ASIC2: variants seen among roughly 807,000 people sequenced by gnomAD.
The protein encoded by ASIC2 is acid sensing ion channel subunit 2.
In ASIC2, 25 loss-of-function variants were observed where a neutral mutation model predicts 57.3. The ratio of observed to expected loss-of-function variants is 0.44; its 90% CI spans 0.32 to 0.61. The LOEUF is 0.61. Among genes scored for constraint, ASIC2 ranks in the 20% least tolerant of loss-of-function variants. The pLI, the probability that ASIC2 is intolerant of heterozygous loss-of-function variation, is 0.06. For missense variants in ASIC2, 641 were observed against 738.1 expected (o/e 0.87, Z 1.52); for synonymous variants, 319 against 307.5 (o/e 1.04, Z -0.39).
chr17:33,024,104 T>A, intron 5 of ASIC2, 90 bp from the exon 6 acceptor site: 1 of 1,532,838 alleles, frequency 6.5e-7, no homozygotes. Flanking sequence ...AGCTGAGAAA[T>A]GAGCTGGGAA....
At chr17:33,726,374 G>A (rs1909561569) in intron 1 of ASIC2, among the ~76,000 whole-genome samples, 1 of 152,222 alleles carries the variant, frequency 6.6e-6, no homozygotes, top group African/African-American at 2.4e-5. Context: ...AACCATGAGA[G>A]ACGATAAAAT....
At chr17:33,128,605 T>G (rs529868919) in intron 1 of ASIC2, among the ~76,000 whole-genome samples, 2 of 151,950 alleles carry the variant, frequency 1.3e-5, no homozygotes, top group Non-Finnish European at 2.9e-5. Context: ...AGTTTTGGAG[T>G]GGGGGTGGCC....
At chr17:33,320,967 C>G (rs1165103105) in intron 1 of ASIC2, among the ~76,000 whole-genome samples, 3 of 152,206 alleles carry the variant, frequency 2.0e-5, no homozygotes, top group Non-Finnish European at 4.4e-5. Flanking sequence ...TTTATTTATT[C>G]ATTCTGCATG....
At chr17:33,906,789 T>A (rs1175028636) in intron 1 of ASIC2, among the ~76,000 whole-genome samples, 1 of 152,196 alleles carries the variant, frequency 6.6e-6, no homozygotes, top group African/African-American at 2.4e-5. Context: ...GGCTTTGGCA[T>A]CAAGACCTAC....
intron 1 of ASIC2, among the ~76,000 whole-genome samples, chr17:33,762,721 T>G (rs1299368065): frequency 6.6e-6 from 1 of 152,216 alleles, no homozygotes; most frequent in African/African-American, 2.4e-5. Flanking sequence ...TGAACTTTGT[T>G]AGCACTGGGC....
At chr17:33,718,509 C>G (rs1006866371) in intron 1 of ASIC2, among the ~76,000 whole-genome samples, 4 of 151,962 alleles carry the variant, frequency 2.6e-5, no homozygotes, top group African/African-American at 9.7e-5. Flanking sequence ...GTCCTGCCTC[C>G]CACACCCCAA....
At chr17:33,149,884 C>A (rs987369281) in intron 1 of ASIC2, among the ~76,000 whole-genome samples, 6 of 152,192 alleles carry the variant, frequency 3.9e-5, no homozygotes, top group Admixed American at 1.3e-4. Flanking sequence ...AAGTACCATT[C>A]TTGAAGGAAC....
chr17:33,270,513 C>T (rs544427261), intron 1 of ASIC2, among the ~76,000 whole-genome samples: 5 of 152,292 alleles, frequency 3.3e-5, no homozygotes, highest in African/African-American at 1.2e-4. Flanking sequence ...TAAATGGAGT[C>T]CCAAATGCAT....
chr17:33,640,286 T>A (rs1906518576), intron 1 of ASIC2, among the ~76,000 whole-genome samples: 1 of 152,018 alleles, frequency 6.6e-6, no homozygotes, highest in South Asian at 2.1e-4. Flanking sequence ...AAAGAGAGTA[T>A]TTAGAAGAGC....
rs1286792951 is a variant in ASIC2 at position 33,089,052 on chromosome 17, G to C, written c.860-62C>G. 5.0e-6 allele frequency: 8 copies of C among 1,599,624 alleles called. No homozygotes were observed. In the African/African-American group the frequency reaches 1.1e-4, roughly 21 times the overall value. ...AACAACAGATGCTCATGGAGTCCTG[G>C]GATTGAAAAGCTCAAAGGGATGCTG... On this transcript the variant is annotated intron_variant, in intron 2 of 9. Transcript: ENST00000225823.
chr17:33,959,322 A>T (rs1205821714), intron 1 of ASIC2, among the ~76,000 whole-genome samples: 1 of 152,164 alleles, frequency 6.6e-6, no homozygotes, highest in Non-Finnish European at 1.5e-5. Flanking sequence ...TACTCCTGGT[A>T]CCAATTTACA....
intron 1 of ASIC2, among the ~76,000 whole-genome samples, chr17:33,990,239 G>A (rs927007186): frequency 6.6e-6 from 1 of 152,126 alleles, no homozygotes; most frequent in Admixed American, 6.5e-5. Flanking sequence ...ATAAATTTCA[G>A]GACCTCTGTG....
chr17:33,932,451 C>T (rs1191928849), intron 1 of ASIC2: 1 of 151,806 alleles, frequency 6.6e-6, no homozygotes, highest in African/African-American at 2.4e-5. Context: ...TGCCTGTAAT[C>T]CCAGCACTTG....
chr17:33,217,117 G>T (rs554509899), intron 1 of ASIC2, among the ~76,000 whole-genome samples: 40 of 152,312 alleles, frequency 2.6e-4, no homozygotes, highest in African/African-American at 8.4e-4. Context: ...TAGTTTGAGT[G>T]AACAAAATAT....
At chr17:34,080,166 T>C (rs1909825015) in intron 1 of ASIC2, among the ~76,000 whole-genome samples, 1 of 152,184 alleles carries the variant, frequency 6.6e-6, no homozygotes, top group Non-Finnish European at 1.5e-5. Context: ...ATTAATAGCC[T>C]CTTGAAAGGA....
intron 1 of ASIC2, among the ~76,000 whole-genome samples, chr17:33,229,900 C>T (rs1454301701): frequency 6.6e-6 from 1 of 152,176 alleles, no homozygotes; most frequent in Admixed American, 6.5e-5. Context: ...AGCAGGCAAC[C>T]ACTGGTGGGA....
At chr17:33,654,446 A>G (rs1431690250) in intron 1 of ASIC2, among the ~76,000 whole-genome samples, 4 of 152,248 alleles carry the variant, frequency 2.6e-5, no homozygotes, top group African/African-American at 9.6e-5. Context: ...GCCTTAATCA[A>G]TAACCTACTC....
intron 1 of ASIC2, among the ~76,000 whole-genome samples, chr17:33,928,366 G>A (rs1915866198): frequency 6.6e-6 from 1 of 152,182 alleles, no homozygotes; most frequent in Non-Finnish European, 1.5e-5. Flanking sequence ...GGGGTGGGTG[G>A]TAAAAGCTGA....
intron 1 of ASIC2, among the ~76,000 whole-genome samples, chr17:33,617,641 G>A (rs1430749056): frequency 6.6e-6 from 1 of 152,120 alleles, no homozygotes; most frequent in Non-Finnish European, 1.5e-5. Context: ...ATGTACCCCG[G>A]ACCTAAAATA....
Sources: gnomAD v4.1 joint callset for allele counts (sites outside exome capture counted in the v4.1 genomes callset) on GRCh38, gnomAD v4.1.1 for gene constraint, MANE v1.5 for transcripts, NCBI Gene and HGNC (gene_info 2026-07-23, HGNC 2026-07-21) for gene names.